Variants in AUTS2 observed in about 807,000 individuals in gnomAD.
AUTS2 encodes the protein activator of transcription and developmental regulator AUTS2, also known as autism susceptibility gene 2 protein.
AUTS2 carries 17 observed loss-of-function variants against 112.4 expected under a neutral mutation model. The observed-to-expected ratio is 0.15, with a 90% CI of 0.10 to 0.23. AUTS2 has a LOEUF of 0.23. Among genes scored for constraint, AUTS2 ranks in the 10% least tolerant of loss-of-function variants. AUTS2 has a pLI of 1.00. For synonymous variants in AUTS2, 751 were observed against 702.7 expected, an observed-to-expected ratio of 1.07 and a Z score of -1.09; for missense variants, 1,510 against 1,701.6, an observed-to-expected ratio of 0.89 and a Z score of 1.98.
At chr7:70,127,328 T>C (rs1396665728) in intron 3 of AUTS2, among the ~76,000 whole-genome samples, 2 of 152,042 alleles carry the variant, frequency 1.3e-5, no homozygotes, top group East Asian at 1.9e-4. Flanking sequence ...GAAATGGGGT[T>C]TCGCCATGTT....
At chr7:70,254,557 C>T (rs540415428) in intron 4 of AUTS2, among the ~76,000 whole-genome samples, 5 of 152,304 alleles carry the variant, frequency 3.3e-5, no homozygotes, top group African/African-American at 9.6e-5. Context: ...GCTCTCACTG[C>T]TTGCTATCCC....
rs117502948 is a variant in AUTS2 at position 70,793,408 on chromosome 7, T to A, written c.*2412T>A. The stretch of plus-strand genomic sequence containing the variant: ...CTCTTTTAATTACGTGGTGTAGTCC[T>A]CATCAGTTTGCAGTCTCCCTGTCCT... On this transcript the variant is annotated 3_prime_UTR_variant, in exon 19 of 19. Coordinates refer to ENST00000342771, the MANE Select transcript of AUTS2 (RefSeq NM_015570.4). 1 of 152,162 alleles carries A rather than the reference T, an allele frequency of 6.6e-6. No individual in the cohort carries two copies. The highest frequency in any genetic ancestry group is 6.5e-5 in the Admixed American group (1 of 15,280). The allele number at this position is 152,162 out of a possible 1,614,324, so 9.4% of individuals were successfully genotyped here.
At chr7:69,970,942 G>A (rs186244699) in intron 2 of AUTS2, among the ~76,000 whole-genome samples, 1 of 152,290 alleles carries the variant, frequency 6.6e-6, no homozygotes, top group Admixed American at 6.5e-5. Context: ...GGAGGCCAAG[G>A]CGGGAGAATC....
intron 5 of AUTS2, among the ~76,000 whole-genome samples, chr7:70,515,232 G>C (rs1278932074): frequency 2.0e-5 from 3 of 152,168 alleles, no homozygotes; most frequent in African/African-American, 7.2e-5. Context: ...GCTATAGAAA[G>C]AAAAGGAAAG....
chr7:69,957,302 C>T (rs916375907), intron 2 of AUTS2, among the ~76,000 whole-genome samples: 3 of 150,480 alleles, frequency 2.0e-5, no homozygotes, highest in Admixed American at 6.8e-5. Context: ...TCAACCGCAT[C>T]GCTGGGTACA....
At chr7:69,632,519 C>T (rs1162268992) in intron 1 of AUTS2, among the ~76,000 whole-genome samples, 1 of 149,772 alleles carries the variant, frequency 6.7e-6, no homozygotes, top group Non-Finnish European at 1.5e-5. Flanking sequence ...TCCCTCTCCA[C>T]CCCCTCTCCT....
intron 1 of AUTS2, among the ~76,000 whole-genome samples, chr7:69,853,633 G>C (rs1007540190): frequency 2.0e-5 from 3 of 151,958 alleles, no homozygotes; most frequent in Admixed American, 1.3e-4. Context: ...TGGTGTGTTA[G>C]AAGACCCAGG....
chr7:69,829,623 CAT>C (rs879418465), intron 1 of AUTS2, among the ~76,000 whole-genome samples: 3 of 152,232 alleles, frequency 2.0e-5, no homozygotes, highest in African/African-American at 2.4e-5. Context: ...GGCCAAAAAA[CAT>C]ATGAAAAAAA....
chr7:70,718,237 G>A lies in AUTS2; in HGVS notation c.742+19617G>A, dbSNP rs73443085. On this transcript the variant is annotated intron_variant, in intron 6 of 18. Coordinates refer to ENST00000342771, the MANE Select transcript of AUTS2 (RefSeq NM_015570.4). ...TCCTCTTGCTCAAGAGGGTGCTGCT[G>A]CTTTCTGCCTCCTTCCCCGGCCGGC... Among the ~76,000 whole-genome samples, 681 of 152,250 alleles carry A rather than the reference G, an allele frequency of 4.5e-3. 7 individuals carry two copies. Among genetic ancestry groups the A allele is most frequent in the African/African-American group, 0.016 (654 of 41,548 alleles).
At chr7:70,003,351 G>A (rs1799314846) in intron 2 of AUTS2, among the ~76,000 whole-genome samples, 1 of 125,714 alleles carries the variant, frequency 8.0e-6, no homozygotes, top group African/African-American at 3.1e-5. Flanking sequence ...GTATGAATAT[G>A]TTATATATGA....
chr7:69,829,946 T>C (rs996934787), intron 1 of AUTS2, among the ~76,000 whole-genome samples: 4 of 152,186 alleles, frequency 2.6e-5, no homozygotes, highest in Admixed American at 1.3e-4. Context: ...CATATGTTTA[T>C]TGCAACACTA....
chr7:69,940,890 A>G (rs903937385), intron 2 of AUTS2, among the ~76,000 whole-genome samples: 2 of 152,180 alleles, frequency 1.3e-5, no homozygotes, highest in African/African-American at 4.8e-5. Flanking sequence ...AACAATGCCT[A>G]TGTTAACAGT....
At chr7:70,451,449 G>A (rs545942776) in intron 5 of AUTS2, among the ~76,000 whole-genome samples, 2 of 150,662 alleles carry the variant, frequency 1.3e-5, no homozygotes, top group East Asian at 1.9e-4. Flanking sequence ...TTTTTTTACT[G>A]TACATATCTT....
intron 5 of AUTS2, among the ~76,000 whole-genome samples, chr7:70,517,556 GCATATACACATATATACA>G (rs1799466504): frequency 1.4e-5 from 2 of 147,520 alleles, no homozygotes; most frequent in Admixed American, 6.8e-5. Context: ...TATACAAATT[GCATATACACATATATACA>G]AATTGCATAT....
At chr7:70,061,999 G>T (rs1244641679) in intron 2 of AUTS2, among the ~76,000 whole-genome samples, 6 of 151,636 alleles carry the variant, frequency 4.0e-5, no homozygotes, top group Non-Finnish European at 5.9e-5. Flanking sequence ...TGTTAGCCAG[G>T]CTGGTCTCAA....
chr7:70,285,431 G>C (rs1023340388), intron 4 of AUTS2, among the ~76,000 whole-genome samples: 2 of 152,130 alleles, frequency 1.3e-5, no homozygotes, highest in African/African-American at 4.8e-5. Context: ...ATTTGTCTTT[G>C]GAGTTAGCCC....
At chr7:69,839,480 C>G (rs145592108) in intron 1 of AUTS2, among the ~76,000 whole-genome samples, 1 of 151,994 alleles carries the variant, frequency 6.6e-6, no homozygotes, top group East Asian at 1.9e-4. Context: ...TGACTTAATC[C>G]CCAAGTTTCT....
chr7:70,007,627 A>T (rs962047760), intron 2 of AUTS2, among the ~76,000 whole-genome samples: 4 of 152,100 alleles, frequency 2.6e-5, no homozygotes, highest in Admixed American at 6.6e-5. Flanking sequence ...TAAAGTAAGG[A>T]TTATTTATTT....
intron 4 of AUTS2, among the ~76,000 whole-genome samples, chr7:70,405,135 G>T (rs1376400862): frequency 6.6e-6 from 1 of 152,170 alleles, no homozygotes; most frequent in East Asian, 1.9e-4. Flanking sequence ...GAGAGAACAG[G>T]AGAGAGGAAA....
Sources: allele counts gnomAD v4.1 joint callset (sites outside exome capture counted in the v4.1 genomes callset), GRCh38; gene constraint gnomAD v4.1.1; transcripts MANE v1.5; gene names NCBI Gene and HGNC (gene_info 2026-07-23, HGNC 2026-07-21).